Variants in ANO2 observed in about 807,000 individuals in gnomAD.
ANO2 encodes anoctamin-2.
A neutral mutation model predicts 124.2 loss-of-function variants in ANO2; 101 were observed. That is an observed-to-expected ratio of 0.81 (90% confidence interval 0.69 to 0.96). The LOEUF (loss-of-function observed/expected upper bound fraction) is 0.96, where lower values mean the gene tolerates loss of function less well. Ranked by LOEUF, ANO2 falls within the 40% of genes least tolerant of loss-of-function variation. The probability of loss-of-function intolerance (pLI) is 0.00; values close to 1 mark genes in which losing one functional copy is unlikely to be tolerated. For synonymous variants in ANO2, 486 were observed against 482.5 expected, an observed-to-expected ratio of 1.01 and a Z score of -0.09; for missense variants, 1,293 against 1,274.5, an observed-to-expected ratio of 1.01 and a Z score of -0.22.
intron 23 of ANO2, among the ~76,000 whole-genome samples, chr12:5,571,689 CCT>C (rs928579760): frequency 5.9e-5 from 9 of 152,162 alleles, no homozygotes; most frequent in Admixed American, 3.3e-4. Flanking sequence ...CTCCTCCTCC[CCT>C]CTCTCTTTCT....
At chr12:5,656,024 C>G (rs408094) in intron 14 of ANO2, among the ~76,000 whole-genome samples, 1 of 152,218 alleles carries the variant, frequency 6.6e-6, no homozygotes. Context: ...ATCTGCAACC[C>G]TTGTGAGGAA....
intron 3 of ANO2, among the ~76,000 whole-genome samples, chr12:5,855,561 C>T (rs1319691570): frequency 2.0e-5 from 3 of 152,174 alleles, no homozygotes; most frequent in South Asian, 2.1e-4. Context: ...GGTGTGAAAG[C>T]CTTGGGTAGT....
At chr12:5,672,027 T>C (rs1329778488) in intron 14 of ANO2, among the ~76,000 whole-genome samples, 9 of 152,136 alleles carry the variant, frequency 5.9e-5, no homozygotes, top group Non-Finnish European at 8.8e-5. Context: ...CACATGGTGA[T>C]CCCTAGGTTC....
In ANO2 at chr12:5,658,296, A is replaced by G. The variant is rs764181495; in HGVS notation, c.1546-10495T>C. The stretch of plus-strand genomic sequence containing the variant: ...ACGGTATGAGATTGCTGCTATGGAG[A>G]TGAAATGAGGTAATGCATGGAATAT... On this transcript the variant is annotated intron_variant, in intron 14 of 24. Transcript: ENST00000682330. This position sits in a 1 kb window ranked among gnomAD's most constrained non-coding sequence, Gnocchi z 4.3. 5.3e-5 allele frequency among the ~76,000 whole-genome samples: 8 copies of G among 152,198 alleles called. No individual in the cohort carries two copies. Among genetic ancestry groups the G allele is most frequent in the Non-Finnish European group, 1.0e-4 (7 of 68,038 alleles).
chr12:5,771,882 T>C (rs2137121452), intron 10 of ANO2, among the ~76,000 whole-genome samples: 1 of 152,384 alleles, frequency 6.6e-6, no homozygotes, highest in African/African-American at 2.4e-5. Context: ...TTCCAGTTTT[T>C]ATTTGTTAAA....
chr12:5,818,820 C>G (rs1188430051), intron 7 of ANO2, among the ~76,000 whole-genome samples: 1 of 152,042 alleles, frequency 6.6e-6, no homozygotes, highest in African/African-American at 2.4e-5. Context: ...ATACCTTTGA[C>G]CATATGCAGG....
At chr12:5,887,533 G>A (rs1029179672) in intron 3 of ANO2, among the ~76,000 whole-genome samples, 3 of 152,182 alleles carry the variant, frequency 2.0e-5, no homozygotes, top group African/African-American at 7.2e-5. Flanking sequence ...GGCTAGCCCT[G>A]GGAGGCTCAA....
chr12:5,697,004 G>A (rs1203859689), intron 14 of ANO2, among the ~76,000 whole-genome samples: 1 of 152,180 alleles, frequency 6.6e-6, no homozygotes, highest in Non-Finnish European at 1.5e-5. Context: ...AATATCCTAT[G>A]TACCAGTAAA....
chr12:5,680,939 A>G (rs1384675534), intron 14 of ANO2, among the ~76,000 whole-genome samples: 1 of 152,200 alleles, frequency 6.6e-6, no homozygotes, highest in African/African-American at 2.4e-5. Context: ...TCTGCATGAC[A>G]GACCTGTTGT....
At position 5,578,460 on chromosome 12, in the gene ANO2, A is replaced by G. The variant is rs181871404; in HGVS notation, c.2292T>C (p.Phe764=). The change falls in exon 21 of 25, where the codon TTT becomes TTC. Residue 764 remains phenylalanine, a synonymous_variant. Transcript: ENST00000682330. Reference sequence around the variant, plus strand: ...CTTCAATGACGTTGTTGAGGAGGGCAAACACAGGTGCCAGGGGAAAGGAGG... The same window carrying G: ...CTTCAATGACGTTGTTGAGGAGGGCGAACACAGGTGCCAGGGGAAAGGAGG... ...FVASFPLAPV[F]ALLNNVIEVR... 3.0e-5 allele frequency: 48 copies of G among 1,614,014 alleles called. No individual in the cohort carries two copies. The African/African-American group carries it at 4.9e-4, about 17-fold the overall frequency.
At chr12:5,713,877 T>C (rs1949912709) in intron 14 of ANO2, among the ~76,000 whole-genome samples, 1 of 152,186 alleles carries the variant, frequency 6.6e-6, no homozygotes. Flanking sequence ...AGGACTCAGC[T>C]GGCCCAAAGA....
At chr12:5,855,963 G>T (rs968181168) in intron 3 of ANO2, among the ~76,000 whole-genome samples, 1 of 152,192 alleles carries the variant, frequency 6.6e-6, no homozygotes, top group Admixed American at 6.5e-5. Context: ...GTGTGACATC[G>T]TTCTGACAAA....
At chr12:5,740,812 T>C (rs577650745) in intron 12 of ANO2, 58 of 152,362 alleles carry the variant, frequency 3.8e-4, no homozygotes, top group African/African-American at 1.4e-3. Flanking sequence ...GAGCCCGAAC[T>C]ATCTATCTGA....
intron 14 of ANO2, among the ~76,000 whole-genome samples, chr12:5,724,625 A>G (rs1214879026): frequency 2.0e-5 from 3 of 152,192 alleles, no homozygotes; most frequent in Non-Finnish European, 2.9e-5. Flanking sequence ...TAAATGTTTC[A>G]GTGCTTTAAC....
chr12:5,715,652 G>A (rs1204025362), intron 14 of ANO2, among the ~76,000 whole-genome samples: 2 of 152,224 alleles, frequency 1.3e-5, no homozygotes, highest in African/African-American at 4.8e-5. Flanking sequence ...TAAGTGACCT[G>A]ACTTCACTCG....
At chr12:5,576,135 T>A in intron 22 of ANO2, 120 bp from the exon 23 acceptor site, 2 of 1,041,310 alleles carry the variant, frequency 1.9e-6, no homozygotes, top group South Asian at 2.1e-5. Flanking sequence ...TGCAGCATGA[T>A]CAGGTCCCTG....
intron 14 of ANO2, among the ~76,000 whole-genome samples, chr12:5,701,003 C>T (rs1949379755): frequency 6.6e-6 from 1 of 152,036 alleles, no homozygotes; most frequent in Admixed American, 6.6e-5. Flanking sequence ...CTTTCAGATG[C>T]TCCCAAATCC....
intron 17 of ANO2, among the ~76,000 whole-genome samples, chr12:5,613,458 A>G (rs1944646160): frequency 6.6e-6 from 1 of 152,178 alleles, no homozygotes; most frequent in South Asian, 2.1e-4. Flanking sequence ...ATTCAAAGGA[A>G]TAAAAGAAGC....
In ANO2 at chr12:5,635,221, T is replaced by A; in HGVS notation, c.1747A>T (p.Ile583Phe). ...AGGATGAGGATGACCACGAGGTTGA[T>A]GATGACTGCTGTTGCTGTCACTGTC... ...RVTVTATAVIINLVVILILDE... is the reference protein window; with the variant it reads ...RVTVTATAVIFNLVVILILDE... The change falls in exon 16 of 25, where the codon ATC becomes TTC. Residue 583 changes from isoleucine (I) to phenylalanine (F), a missense_variant. Physicochemically the swap from Ile to Phe is conservative, Grantham distance 21 (BLOSUM62 0). Transcript: ENST00000682330. The surrounding 1 kb of genome is among the most constrained non-coding windows in gnomAD (Gnocchi z 5.2). 6.2e-7 allele frequency: 1 copy of A among 1,612,324 alleles called. No individual in the cohort carries two copies. Among genetic ancestry groups the A allele is most frequent in the Non-Finnish European group, 8.5e-7 (1 of 1,179,474 alleles).
Sources: gnomAD v4.1 joint callset for allele counts (sites outside exome capture counted in the v4.1 genomes callset) on GRCh38, gnomAD v4.1.1 for gene constraint, Gnocchi (gnomAD v3.1) non-coding constraint, MANE v1.5 for transcripts, NCBI Gene and HGNC (gene_info 2026-07-23, HGNC 2026-07-21) for gene names.